EYS: variants seen among roughly 807,000 people sequenced by gnomAD.
The protein encoded by EYS is EGF-like photoreceptor maintenance factor.
A neutral mutation model predicts 282.1 loss-of-function variants in EYS; 250 were observed. That is an observed-to-expected ratio of 0.89 (90% CI 0.80 to 0.98). EYS has a LOEUF of 0.98. EYS is among the 50% of genes least tolerant of loss of function. EYS has a pLI of 0.00. For synonymous variants in EYS, 1,355 were observed against 1,282.9 expected (o/e 1.06, Z -1.20); for missense variants, 4,016 against 3,709.0 (o/e 1.08, Z -2.15).
At chr6:65,688,071 G>GA (rs138440308) in intron 1 of EYS, among the ~76,000 whole-genome samples, 53,620 of 151,560 alleles carry the variant, frequency 0.35, 11,936 homozygotes, top group Non-Finnish European at 0.49. Context: ...CACAGAATTG[G>GA]AAAAAAAATA....
intron 41 of EYS, among the ~76,000 whole-genome samples, chr6:63,753,144 A>ATATATATATATATATATATG (rs1321776672): frequency 2.4e-4 from 18 of 74,458 alleles, no homozygotes; most frequent in African/African-American, 1.3e-3. Context: ...GTGTGTGTAT[A>ATATATATATATATATATATG]TATATATATA....
intron 15 of EYS, among the ~76,000 whole-genome samples, chr6:64,918,378 C>T (rs1467923455): frequency 6.6e-6 from 1 of 152,032 alleles, no homozygotes; most frequent in African/African-American, 2.4e-5. Context: ...ATTGTGAAAA[C>T]TACTGCAACA....
At chr6:64,862,522 T>C (rs923872998) in intron 19 of EYS, among the ~76,000 whole-genome samples, 3 of 152,192 alleles carry the variant, frequency 2.0e-5, no homozygotes, top group Non-Finnish European at 4.4e-5. Context: ...GTTCATCTTT[T>C]CACTCATATT....
intron 35 of EYS, among the ~76,000 whole-genome samples, chr6:63,963,190 G>T (rs1766157518): frequency 6.6e-6 from 1 of 151,644 alleles, no homozygotes; most frequent in Admixed American, 6.6e-5. Context: ...GAGTTAATGG[G>T]TGCAGCACAC....
intron 35 of EYS, among the ~76,000 whole-genome samples, chr6:63,926,052 C>T (rs1353532902): frequency 1.3e-5 from 2 of 152,062 alleles, no homozygotes; most frequent in East Asian, 3.9e-4. Flanking sequence ...GTGTTCTCGT[C>T]GTTCAACTCC....
intron 2 of EYS, among the ~76,000 whole-genome samples, chr6:65,541,717 T>G (rs1556391): frequency 0.21 from 31,814 of 151,980 alleles, 3,717 homozygotes; most frequent in East Asian, 0.31. Flanking sequence ...TGGATAATAG[T>G]GTATTTATTA....
intron 13 of EYS, among the ~76,000 whole-genome samples, chr6:65,031,960 A>G (rs1318612781): frequency 6.6e-6 from 1 of 152,132 alleles, no homozygotes; most frequent in African/African-American, 2.4e-5. Flanking sequence ...AAAATATATA[A>G]GATTCATAAT....
chr6:63,739,121 A>T (rs1769007498), intron 41 of EYS, among the ~76,000 whole-genome samples: 1 of 150,200 alleles, frequency 6.7e-6, no homozygotes, highest in Admixed American at 6.6e-5. Flanking sequence ...TATTTAATGG[A>T]TTGTAATCTA....
At chr6:64,621,924 G>A (rs1767457331) in intron 23 of EYS, among the ~76,000 whole-genome samples, 1 of 151,918 alleles carries the variant, frequency 6.6e-6, no homozygotes, top group South Asian at 2.1e-4. Flanking sequence ...TCACTTACTG[G>A]GTGTTCTACA....
rs571000571 is a variant in EYS at position 64,414,370 on chromosome 6, C to A, written c.5927+21804G>T. On this transcript the variant is annotated intron_variant, in intron 28 of 42. Transcript: ENST00000503581. ...TGTAAAATTAAGTTTGAGGGTAGAA[C>A]ATCTAGATATACATAAAGATGTGGC... 2.0e-4 allele frequency among the ~76,000 whole-genome samples: 31 copies of A among 152,168 alleles called. No individual in the cohort carries two copies. In the South Asian group the frequency reaches 6.2e-3, roughly 31 times the overall value.
intron 12 of EYS, among the ~76,000 whole-genome samples, chr6:65,205,789 C>G (rs1331831826): frequency 6.6e-6 from 1 of 151,864 alleles, no homozygotes; most frequent in African/African-American, 2.4e-5. Flanking sequence ...TCCTGAATGA[C>G]TTTCAGGTAA....
At chr6:65,372,261 A>G (rs1765187943) in intron 8 of EYS, among the ~76,000 whole-genome samples, 1 of 152,048 alleles carries the variant, frequency 6.6e-6, no homozygotes, top group Admixed American at 6.6e-5. Flanking sequence ...AACAAACAAC[A>G]CTCGATAACT....
At chr6:64,977,171 G>T (rs1309892033) in intron 14 of EYS, among the ~76,000 whole-genome samples, 1 of 151,922 alleles carries the variant, frequency 6.6e-6, no homozygotes, top group Non-Finnish European at 1.5e-5. Context: ...GGGATTACAG[G>T]AATGAACCAC....
At chr6:65,398,067 T>A (rs564976508) in intron 7 of EYS, among the ~76,000 whole-genome samples, 1 of 152,226 alleles carries the variant, frequency 6.6e-6, no homozygotes, top group Admixed American at 6.6e-5. Flanking sequence ...TTAAAAAATA[T>A]TTGTTCATGC....
At chr6:63,841,746 C>A (rs945754302) in intron 36 of EYS, among the ~76,000 whole-genome samples, 1 of 152,106 alleles carries the variant, frequency 6.6e-6, no homozygotes, top group African/African-American at 2.4e-5. Flanking sequence ...TCTCCTAATG[C>A]TATCCCTCCC....
chr6:64,432,936 C>T (rs1774621236), intron 28 of EYS, among the ~76,000 whole-genome samples: 1 of 151,978 alleles, frequency 6.6e-6, no homozygotes, highest in African/African-American at 2.4e-5. Context: ...AGTATGTGTG[C>T]TTTTAGTATC....
At chr6:65,345,079 G>C (rs891656925) in intron 9 of EYS, among the ~76,000 whole-genome samples, 1 of 151,546 alleles carries the variant, frequency 6.6e-6, no homozygotes, top group East Asian at 1.9e-4. Flanking sequence ...AATTAGAAAT[G>C]ATTCATAAAC....
chr6:64,303,379 C>A (rs542887231), intron 30 of EYS, among the ~76,000 whole-genome samples: 2 of 152,310 alleles, frequency 1.3e-5, no homozygotes, highest in South Asian at 2.1e-4. Flanking sequence ...GGAATACGAG[C>A]AGTGACCAGC....
intron 33 of EYS, among the ~76,000 whole-genome samples, chr6:64,056,333 T>G (rs1770983530): frequency 6.6e-6 from 1 of 152,208 alleles, no homozygotes; most frequent in Non-Finnish European, 1.5e-5. Context: ...CTCCAAAGAT[T>G]TTTAGAAATC....
Sources: gnomAD v4.1 joint callset for allele counts (sites outside exome capture counted in the v4.1 genomes callset) on GRCh38, gnomAD v4.1.1 for gene constraint, MANE v1.5 for transcripts, NCBI Gene and HGNC (gene_info 2026-07-23, HGNC 2026-07-21) for gene names.